The following DNAH9 variants were observed in gnomAD, a reference collection of about 807,000 sequenced individuals.
DNAH9 encodes dynein axonemal heavy chain 9.
A neutral mutation model predicts 471.6 loss-of-function variants in DNAH9; 345 were observed. The ratio of observed to expected loss-of-function variants is 0.73; its 90% CI spans 0.67 to 0.80. The LOEUF is 0.80. Among genes scored for constraint, DNAH9 ranks in the 30% least tolerant of loss-of-function variants. DNAH9 has a pLI of 0.00. For synonymous variants in DNAH9, 2,093 were observed against 2,123.6 expected (o/e 0.99, Z 0.40); for missense variants, 5,407 against 5,609.2 (o/e 0.96, Z 1.15).
chr17:11,665,061 G>A (rs1044104809), intron 15 of DNAH9, 93 bp downstream of exon 15: 3 of 1,144,722 alleles, frequency 2.6e-6, no homozygotes, highest in Non-Finnish European at 3.8e-6. Flanking sequence ...AGTGCTCTGT[G>A]ACTTTTCCCA....
At chr17:11,828,468 C>T (rs1284983671) in intron 48 of DNAH9, among the ~76,000 whole-genome samples, 9 of 44,008 alleles carry the variant, frequency 2.0e-4, no homozygotes, top group East Asian at 9.8e-4. Flanking sequence ...AGTGAAACTC[C>T]GTCTCAAAAA....
At chr17:11,802,398 C>T (rs1191509132) in intron 43 of DNAH9, among the ~76,000 whole-genome samples, 2 of 152,018 alleles carry the variant, frequency 1.3e-5, no homozygotes, top group Admixed American at 1.3e-4. Context: ...GAGACCAAGG[C>T]GGGATGGATC....
At chr17:11,738,760 G>A (rs1021793318) in intron 28 of DNAH9, 120 bp from the exon 29 acceptor site, 16 of 841,052 alleles carry the variant, frequency 1.9e-5, no homozygotes, top group Non-Finnish European at 2.9e-5. Flanking sequence ...CTGTCTTTCA[G>A]TGAAAGGGTC....
chr17:11,608,362 A>AT, intron 2 of DNAH9, 37 bp downstream of exon 2: 1 of 1,443,406 alleles, frequency 6.9e-7, no homozygotes, highest in South Asian at 1.2e-5. Flanking sequence ...GGCCTCTGAG[A>AT]TATGGGAGAT....
At chr17:11,708,117 G>T (rs1007012418) in intron 26 of DNAH9, among the ~76,000 whole-genome samples, 19 of 151,048 alleles carry the variant, frequency 1.3e-4, no homozygotes, top group African/African-American at 4.6e-4. Context: ...AAATGGCCTG[G>T]CTTGCCTCCT....
intron 21 of DNAH9, 123 bp from the exon 22 acceptor site, chr17:11,694,198 C>G: frequency 7.8e-7 from 1 of 1,283,444 alleles, no homozygotes; most frequent in Non-Finnish European, 1.1e-6. Context: ...GCAAATATCT[C>G]TAAGTGTTTC....
At position 11,891,778 on chromosome 17, in the gene DNAH9, C is replaced by G. The variant is rs746114434; in HGVS notation, c.11114C>G (p.Ala3705Gly). Residue 3705 changes from alanine to glycine, a missense_variant and splice_region_variant, in exon 58 of 69, where the codon GCC becomes GGC. Around this residue, in one of 3 missense-constraint regions of DNAH9, gnomAD observed 4,636 missense variants for 4,900.3 expected, o/e 0.95. Transcript: ENST00000262442. ...IHPMYQFSLK[A>G]FSIVFQKAVE... The stretch of plus-strand genomic sequence containing the variant: ...CAGTTTCCTGTCTTCTGTCCCCAGG[C>G]CTTCAGTATCGTCTTCCAGAAGGCT... The G allele has an allele frequency of 2.2e-5, 36 of 1,613,902 alleles. No individual in the cohort carries two copies. The East Asian group carries it at 7.1e-4, about 32-fold the overall frequency.
In DNAH9 at chr17:11,623,696, C is replaced by G. The variant is rs16945089; in HGVS notation, c.1350+3915C>G. 0.15 allele frequency among the ~76,000 whole-genome samples: 23,052 copies of G among 152,140 alleles called. 1,992 individuals are homozygous for G. Among genetic ancestry groups the G allele is most frequent in the East Asian group, 0.34 (1,767 of 5,162 alleles). On this transcript the variant is annotated intron_variant, in intron 6 of 68. Coordinates refer to ENST00000262442, the MANE Select transcript of DNAH9 (RefSeq NM_001372.4). The surrounding 1 kb of genome is among the most constrained non-coding windows in gnomAD (Gnocchi z 4.1). ...TCTGCTCCTCTCCAGTAAGAATTAT[C>G]ATGAACTTAGCCTTATTCATCTTCT... is the stretch of plus-strand genomic sequence containing the variant.
chr17:11,748,883 ACT>A (rs1967019075), intron 32 of DNAH9, among the ~76,000 whole-genome samples: 1 of 152,090 alleles, frequency 6.6e-6, no homozygotes, highest in South Asian at 2.1e-4. Flanking sequence ...TCCGGGTCAA[ACT>A]CTCTGGATTT....
chr17:11,821,920 G>A lies in DNAH9; in HGVS notation c.8708G>A (p.Gly2903Glu), dbSNP rs763831194. The change falls in exon 46 of 69, where the codon GGG becomes GAG. Residue 2903 changes from glycine to glutamate, a missense_variant and splice_region_variant. Transcript: ENST00000262442. ...LVLINDLLAS[G>E]EIPDLYSDDE... Reference sequence around the variant, plus strand: ...CTATCTGTGCTCCATTTTTTCCCAGGGGAGATCCCAGATCTCTACTCTGAT... The same window carrying A: ...CTATCTGTGCTCCATTTTTTCCCAGAGGAGATCCCAGATCTCTACTCTGAT... 8.7e-6 allele frequency: 14 copies of A among 1,605,186 alleles called. No individual in the cohort carries two copies. Among genetic ancestry groups the A allele is most frequent in the Middle Eastern group, 1.7e-4 (1 of 5,994 alleles).
chr17:11,783,818 T>C (rs1968757385), intron 40 of DNAH9, 70 bp downstream of exon 40: 1 of 1,319,508 alleles, frequency 7.6e-7, no homozygotes, highest in South Asian at 1.2e-5. Flanking sequence ...TGATTATAAG[T>C]ATAATAATTG....
rs756281119 is a variant in DNAH9, at chr17:11,969,516, C to T, written c.13450C>T (p.Leu4484Phe). The change falls in exon 69 of 69, where the codon CTC becomes TTC. Residue 4484 changes from leucine (L) to phenylalanine (F), a missense_variant. By Grantham distance (22) the Leu-to-Phe change is conservative (BLOSUM62 0). Around this residue, in one of 3 missense-constraint regions of DNAH9, gnomAD observed 4,636 missense variants for 4,900.3 expected, o/e 0.95. Transcript: ENST00000262442. The stretch of plus-strand genomic sequence containing the variant: ...GGTTCTGGCTGGAGTAGCCTTGCTT[C>T]TCCAGATTTAGCATCCTGCAGAGCC... ...KWVLAGVALL[L>F]QI 5.0e-6 allele frequency: 8 copies of T among 1,611,858 alleles called. No individual in the cohort carries two copies. Among genetic ancestry groups the T allele is most frequent in the Non-Finnish European group, 6.8e-6 (8 of 1,179,558 alleles).
At chr17:11,661,769 A>G (rs2073768533) in intron 14 of DNAH9, among the ~76,000 whole-genome samples, 1 of 152,130 alleles carries the variant, frequency 6.6e-6, no homozygotes, top group Admixed American at 6.5e-5. Flanking sequence ...CACATAATAT[A>G]TATTAATAGT....
intron 28 of DNAH9, among the ~76,000 whole-genome samples, chr17:11,729,563 G>T (rs2075221927): frequency 6.6e-6 from 1 of 152,210 alleles, no homozygotes; most frequent in Admixed American, 6.5e-5. Flanking sequence ...GGTCCCTACA[G>T]GTTTCTGTAA....
At chr17:11,766,842 T>C (rs973135383) in intron 36 of DNAH9, among the ~76,000 whole-genome samples, 4 of 151,752 alleles carry the variant, frequency 2.6e-5, no homozygotes, top group African/African-American at 4.8e-5. Flanking sequence ...TGGTGGCGGG[T>C]GCCTGTAATC....
rs869105187 is a variant in DNAH9 at position 11,811,989 on chromosome 17, CAAAAAAA to C, written c.8707+1652_8707+1658del. 2.4e-3 allele frequency among the ~76,000 whole-genome samples: 72 copies of C among 30,358 alleles called. 5 individuals carry two copies. Among genetic ancestry groups the C allele is most frequent in the African/African-American group, 3.6e-3 (46 of 12,850 alleles). 19.9% of individuals were successfully genotyped at this position (30,358 alleles called of 152,430 possible). On this transcript the variant is annotated intron_variant, in intron 45 of 68. Coordinates refer to ENST00000262442, the MANE Select transcript of DNAH9 (RefSeq NM_001372.4). ...TGGGTGACTGAGTGAGACTCTGTCT[CAAAAAAA>C]AAAAAAAAAAAAAAAAAAAAAAAAA...
Position 11,742,183 on chromosome 17 carries a change from C to A in DNAH9, c.5981C>A (p.Ala1994Glu), listed in dbSNP as rs776424630. The A allele has an allele frequency of 6.2e-7, 1 of 1,613,854 alleles. No homozygotes were observed. The highest frequency in any genetic ancestry group is 2.2e-5 in the East Asian group (1 of 44,872). ...ENLKSLFRPC[A>E]MVVPDFELIC... ...TGTCTTTCTATACTCAGGCCTTGTG[C>A]AATGGTGGTTCCAGACTTTGAATTG... The change falls in exon 30 of 69, where the codon GCA becomes GAA. Residue 1994 changes from alanine (A) to glutamate (E), a missense_variant. Coordinates refer to ENST00000262442, the MANE Select transcript of DNAH9 (RefSeq NM_001372.4).
rs1023982659 is a variant in DNAH9, at chr17:11,937,068, G to C, written c.12490-284G>C. The stretch of plus-strand genomic sequence containing the variant: ...AAAAAGAGTCATCAGGGAGGAGTGG[G>C]AGGCATTGGGTGTGGAGATAGATAA... On this transcript the variant is annotated intron_variant, in intron 65 of 68. Coordinates refer to ENST00000262442, the MANE Select transcript of DNAH9 (RefSeq NM_001372.4). This position sits in a 1 kb window ranked among gnomAD's most constrained non-coding sequence, Gnocchi z 4.1. Among the ~76,000 whole-genome samples the C allele has an allele frequency of 9.8e-5, 15 of 152,322 alleles. No homozygotes were observed. The highest frequency in any genetic ancestry group is 5.2e-4 in the Admixed American group (8 of 15,304).
chr17:11,915,728 A>G (rs1285235400), intron 61 of DNAH9, among the ~76,000 whole-genome samples: 4 of 152,172 alleles, frequency 2.6e-5, no homozygotes, highest in African/African-American at 7.2e-5. Context: ...ATTTTCAACC[A>G]TCCAATGCCT....
Sources: allele counts gnomAD v4.1 joint callset (sites outside exome capture counted in the v4.1 genomes callset), GRCh38; gene constraint gnomAD v4.1.1; regional missense constraint gnomAD v4.1.1; non-coding constraint Gnocchi (gnomAD v3.1); transcripts MANE v1.5; gene names NCBI Gene and HGNC (gene_info 2026-07-23, HGNC 2026-07-21).